KIF13B: variants seen among roughly 807,000 people sequenced by gnomAD.
The protein encoded by KIF13B is kinesin-like protein KIF13B.
In KIF13B, 127 loss-of-function variants were observed where a neutral mutation model predicts 222.0. That is an observed-to-expected ratio of 0.57 (90% CI 0.50 to 0.66). The LOEUF (loss-of-function observed/expected upper bound fraction) is 0.66, where lower values mean the gene tolerates loss of function less well. KIF13B is among the 30% of genes least tolerant of loss of function. The pLI is 0.00. For synonymous variants in KIF13B, 976 were observed against 919.0 expected (o/e 1.06, Z -1.12); for missense variants, 2,173 against 2,379.0 (o/e 0.91, Z 1.80).
At position 29,106,596 on chromosome 8, in the gene KIF13B, C is replaced by T. The variant is rs527669545; in HGVS notation, c.4215+1543G>A. The stretch of plus-strand genomic sequence containing the variant: ...GCAGTGAGCTGAGATGCTGCCACTG[C>T]ACTCCAGCCTGGGCAACAAGAGCGA... On this transcript the variant is annotated intron_variant, in intron 35 of 39. Transcript: ENST00000524189. Among the ~76,000 whole-genome samples the T allele has an allele frequency of 2.3e-5, 3 of 127,894 alleles. No individual in the cohort carries two copies. The South Asian group carries it at 7.7e-4, about 33-fold the overall frequency. 83.9% of individuals were successfully genotyped at this position (127,894 alleles called of 152,430 possible). A position where few individuals can be genotyped will look rare whatever the true frequency, so the allele number is the denominator to read the frequency against.
intron 31 of KIF13B, among the ~76,000 whole-genome samples, chr8:29,113,813 T>A (rs966606618): frequency 6.6e-6 from 1 of 152,222 alleles, no homozygotes; most frequent in African/African-American, 2.4e-5. Flanking sequence ...GTCTGTAAAC[T>A]GGCAGTAGGC....
chr8:29,154,791 A>G (rs1811444654), intron 14 of KIF13B, among the ~76,000 whole-genome samples: 1 of 152,154 alleles, frequency 6.6e-6, no homozygotes, highest in Admixed American at 6.5e-5. Flanking sequence ...TCATTAGAGA[A>G]CAGCACAACA....
chr8:29,181,181 T>C (rs945732357), intron 7 of KIF13B, among the ~76,000 whole-genome samples: 1 of 152,228 alleles, frequency 6.6e-6, no homozygotes, highest in Non-Finnish European at 1.5e-5. Context: ...AAGAGCCATC[T>C]TGAACTATGG....
intron 2 of KIF13B, among the ~76,000 whole-genome samples, chr8:29,223,241 C>A (rs182508025): frequency 7.0e-6 from 1 of 143,482 alleles, no homozygotes; most frequent in African/African-American, 2.5e-5. Flanking sequence ...GGGGCTGAGG[C>A]GGGAGGATTG....
rs1186881527 is a variant in KIF13B at position 29,197,324 on chromosome 8, G to A, written c.150-1125C>T. Among the ~76,000 whole-genome samples the A allele has an allele frequency of 2.8e-4, 27 of 94,820 alleles. No individual in the cohort carries two copies. In the East Asian group the frequency reaches 4.0e-3, roughly 14 times the overall value. 62.2% of individuals were successfully genotyped at this position (94,820 alleles called of 152,430 possible). A position where few individuals can be genotyped will look rare whatever the true frequency, so the allele number is the denominator to read the frequency against. ...TGCACTCCAGCCTGGGCGACAGAGCGAGACTCCGTCTCAAAAAAAAAAAAA... is the reference window on the plus strand; with the variant it reads ...TGCACTCCAGCCTGGGCGACAGAGCAAGACTCCGTCTCAAAAAAAAAAAAA... On this transcript the variant is annotated intron_variant, in intron 2 of 39. Transcript: ENST00000524189.
At position 29,070,550 on chromosome 8, in the gene KIF13B, T is replaced by A. The variant is rs761512938; in HGVS notation, c.5435A>T (p.Asp1812Val). The A allele has an allele frequency of 1.2e-6, 2 of 1,609,082 alleles. No homozygotes were observed. The highest frequency in any genetic ancestry group is 3.4e-5 in the Admixed American group (2 of 59,640). The part of the protein sequence containing the change: ...ASLTAALAKA[D>V]RSHKNPENRK... ...GTTCTCAGGGTTCTTGTGGCTCCTG[T>A]CGGCCTTGGCCAGGGCAGCTGTCAG... Residue 1812 changes from aspartate (D) to valine (V), a missense_variant, in exon 40 of 40, where the codon GAC becomes GTC. Asp to Val is a radical substitution (Grantham distance 152). Transcript: ENST00000524189. The surrounding 1 kb of genome is among the most constrained non-coding windows in gnomAD (Gnocchi z 4.1).
Position 29,070,749 on chromosome 8 carries a change from T to C in KIF13B, c.5236A>G (p.Ile1746Val), listed in dbSNP as rs1807227754. Reference protein sequence around the residue: ...DLPSGKNDGSIGGKQYFRCNP... With the variant: ...DLPSGKNDGSVGGKQYFRCNP... ...CACCTGAAGTACTGCTTCCCGCCGA[T>C]GGAACCGTCATTCTTACCTGCGGGG... is the stretch of plus-strand genomic sequence containing the variant. The change falls in exon 40 of 40, where the codon ATC becomes GTC. Residue 1746 changes from isoleucine to valine, a missense_variant. Physicochemically the swap from Ile to Val is conservative, Grantham distance 29. Transcript: ENST00000524189. The surrounding 1 kb of genome is among the most constrained non-coding windows in gnomAD (Gnocchi z 4.1). The C allele has an allele frequency of 1.9e-6, 3 of 1,587,494 alleles. No homozygotes were observed. The highest frequency in any genetic ancestry group is 2.6e-6 in the Non-Finnish European group (3 of 1,167,558).
At chr8:29,199,081 A>ATTTTTTTTTTTTTTT (rs1435870446) in intron 2 of KIF13B, among the ~76,000 whole-genome samples, 49 of 151,516 alleles carry the variant, frequency 3.2e-4, no homozygotes, top group African/African-American at 8.3e-4. Context: ...AAAAAAATAA[A>ATTTTTTTTTTTTTTT]ATTTTTTAAA....
intron 11 of KIF13B, among the ~76,000 whole-genome samples, chr8:29,166,307 T>A (rs958467079): frequency 4.6e-5 from 7 of 152,210 alleles, no homozygotes; most frequent in Non-Finnish European, 5.9e-5. Flanking sequence ...CCATGTCTCT[T>A]ACTGATTTAT....
At position 29,140,114 on chromosome 8, in the gene KIF13B, C is replaced by T; in HGVS notation, c.2562G>A (p.Val854=). The change falls in exon 21 of 40, where the codon GTG becomes GTA. Residue 854 remains valine (V), a synonymous_variant. Coordinates refer to ENST00000524189, the MANE Select transcript of KIF13B (RefSeq NM_015254.4). ...VGERIAGGDE[V]AEVSFEKETQ... is the part of the protein sequence containing the mutation. ...TCTCCTTCTCAAAGGAGACCTCTGC[C>T]ACCTCATCGCCTCCTGCGATCCTCT... The T allele has an allele frequency of 6.2e-7, 1 of 1,611,956 alleles. No individual in the cohort carries two copies. Among genetic ancestry groups the T allele is most frequent in the Non-Finnish European group, 8.5e-7 (1 of 1,179,084 alleles).
intron 22 of KIF13B, among the ~76,000 whole-genome samples, chr8:29,133,199 A>T (rs1810420868): frequency 6.6e-6 from 1 of 152,234 alleles, no homozygotes; most frequent in Admixed American, 6.5e-5. Context: ...GCTGCTCACC[A>T]GCCATGGACA....
Position 29,180,368 on chromosome 8 carries a change from CTCAA to C in KIF13B, c.586-134_586-131del, listed in dbSNP as rs1812661439. The C allele has an allele frequency of 4.3e-6, 4 of 937,188 alleles. No individual in the cohort carries two copies. In the East Asian group the frequency reaches 9.6e-5, roughly 23 times the overall value. 58.1% of individuals were successfully genotyped at this position (937,188 alleles called of 1,614,324 possible). A position where few individuals can be genotyped will look rare whatever the true frequency, so the allele number is the denominator to read the frequency against. On this transcript the variant is annotated intron_variant, in intron 7 of 39. Coordinates refer to ENST00000524189, the MANE Select transcript of KIF13B (RefSeq NM_015254.4). The stretch of plus-strand genomic sequence containing the variant: ...AACATTTGGAGTTAACATTTTGTTT[CTCAA>C]TGAATATTGAGCCCCATGGAGTACA...
At chr8:29,157,842 A>T (rs2130087735) in intron 13 of KIF13B, among the ~76,000 whole-genome samples, 1 of 151,818 alleles carries the variant, frequency 6.6e-6, no homozygotes, top group African/African-American at 2.4e-5. Context: ...AAAAAAAAAA[A>T]AAAAAAAGTA....
intron 2 of KIF13B, among the ~76,000 whole-genome samples, chr8:29,237,042 GT>G (rs1186815395): frequency 5.3e-5 from 8 of 152,110 alleles, no homozygotes; most frequent in Admixed American, 3.9e-4. Flanking sequence ...TTGGCACACT[GT>G]TGATGTTCGA....
chr8:29,099,776 TAC>T (rs1808707504), intron 35 of KIF13B, among the ~76,000 whole-genome samples: 1 of 152,186 alleles, frequency 6.6e-6, no homozygotes, highest in Non-Finnish European at 1.5e-5. Flanking sequence ...TACTGCAGTT[TAC>T]AGTCTCCCAT....
intron 18 of KIF13B, among the ~76,000 whole-genome samples, chr8:29,142,892 C>T (rs1810882388): frequency 6.6e-6 from 1 of 151,870 alleles, no homozygotes; most frequent in Admixed American, 6.6e-5. Flanking sequence ...CTCACTCTGT[C>T]ACCCAGGCTG....
intron 4 of KIF13B, chr8:29,190,610 A>C (rs1363428150): frequency 2.5e-5 from 5 of 197,162 alleles, no homozygotes; most frequent in Non-Finnish European, 4.1e-5. Context: ...CTAGGAAATT[A>C]ATCAAACCCA....
chr8:29,087,601 C>G (rs909070904), intron 37 of KIF13B, among the ~76,000 whole-genome samples: 1 of 152,222 alleles, frequency 6.6e-6, no homozygotes, highest in African/African-American at 2.4e-5. Flanking sequence ...TAACACCTTT[C>G]AAAAGCAAGC....
Position 29,176,048 on chromosome 8 carries a change from G to A in KIF13B, c.945+20C>T, listed in dbSNP as rs1246694325. ...CCAACCACCAAAAGTATGCCAGGAA[G>A]GGAAAAAAAACAAACTTACTTTGAG... is the stretch of plus-strand genomic sequence containing the variant. On this transcript the variant is annotated intron_variant, in intron 10 of 39. Coordinates refer to ENST00000524189, the MANE Select transcript of KIF13B (RefSeq NM_015254.4). 1 of 1,440,080 alleles carries A rather than the reference G, an allele frequency of 6.9e-7. No homozygotes were observed. Among genetic ancestry groups the A allele is most frequent in the African/African-American group, 1.4e-5 (1 of 71,550 alleles). 89.2% of individuals were successfully genotyped at this position (1,440,080 alleles called of 1,614,324 possible). A position where few individuals can be genotyped will look rare whatever the true frequency, so the allele number is the denominator to read the frequency against.
Sources: allele counts gnomAD v4.1 joint callset (sites outside exome capture counted in the v4.1 genomes callset), GRCh38; gene constraint gnomAD v4.1.1; non-coding constraint Gnocchi (gnomAD v3.1); transcripts MANE v1.5; gene names NCBI Gene and HGNC (gene_info 2026-07-23, HGNC 2026-07-21).